Variants in PIGU observed in about 807,000 individuals in gnomAD.
PIGU encodes phosphatidylinositol glycan anchor biosynthesis class U.
PIGU carries 24 observed loss-of-function variants against 49.9 expected under a neutral mutation model. That is an observed-to-expected ratio of 0.48 (90% CI 0.35 to 0.68). The LOEUF (loss-of-function observed/expected upper bound fraction) is 0.68. PIGU is among the 30% of genes least tolerant of loss of function. The pLI, the probability that PIGU is intolerant of heterozygous loss-of-function variation, is 0.01. For synonymous variants in PIGU, 220 were observed against 205.7 expected, an observed-to-expected ratio of 1.07 and a Z score of -0.59; for missense variants, 490 against 532.6, an observed-to-expected ratio of 0.92 and a Z score of 0.79.
chr20:34,568,271 G>A (rs1054249788), intron 11 of PIGU, among the ~76,000 whole-genome samples: 6 of 152,174 alleles, frequency 3.9e-5, no homozygotes, highest in Non-Finnish European at 8.8e-5. Context: ...TGTTGGGGAG[G>A]AGAATAGGCT....
chr20:34,597,445 C>T (rs1984243957), intron 7 of PIGU, among the ~76,000 whole-genome samples: 1 of 152,142 alleles, frequency 6.6e-6, no homozygotes, highest in Admixed American at 6.6e-5. Flanking sequence ...AAACAATATT[C>T]AGAACAGTTG....
chr20:34,574,722 C>A (rs983291379), intron 11 of PIGU, among the ~76,000 whole-genome samples: 2 of 152,128 alleles, frequency 1.3e-5, no homozygotes, highest in African/African-American at 4.8e-5. Context: ...ACCACAGGCA[C>A]CATTACAGAA....
chr20:34,671,900 G>C (rs1430694520), intron 1 of PIGU, among the ~76,000 whole-genome samples: 1 of 151,750 alleles, frequency 6.6e-6, no homozygotes, highest in Non-Finnish European at 1.5e-5. Context: ...TCCAGCCAGG[G>C]CAACAAGAGT....
At chr20:34,656,343 T>C (rs1053940193) in intron 2 of PIGU, among the ~76,000 whole-genome samples, 1 of 100,932 alleles carries the variant, frequency 9.9e-6, no homozygotes, top group Non-Finnish European at 2.0e-5. Context: ...AGTGCAGTGG[T>C]GCGATCTCGG....
chr20:34,598,969 C>T (rs560806830), intron 7 of PIGU, among the ~76,000 whole-genome samples: 11 of 152,206 alleles, frequency 7.2e-5, no homozygotes, highest in African/African-American at 2.4e-4. Context: ...CTCAGACTCC[C>T]GAGTAGCTGG....
At chr20:34,592,450 A>G (rs183618115) in intron 7 of PIGU, among the ~76,000 whole-genome samples, 13 of 151,486 alleles carry the variant, frequency 8.6e-5, no homozygotes, top group South Asian at 2.1e-4. Flanking sequence ...AAAAAAAAAA[A>G]AGAGAGACGA....
intron 6 of PIGU, among the ~76,000 whole-genome samples, chr20:34,627,638 T>G: frequency 6.6e-6 from 1 of 152,188 alleles, no homozygotes; most frequent in Non-Finnish European, 1.5e-5. Context: ...ACATGCACCT[T>G]CTGAGGGCAT....
intron 11 of PIGU, among the ~76,000 whole-genome samples, chr20:34,568,172 G>A (rs1982856013): frequency 6.6e-6 from 1 of 152,200 alleles, no homozygotes; most frequent in Non-Finnish European, 1.5e-5. Flanking sequence ...CAGGGCTGGA[G>A]TCGCTATAGA....
chr20:34,589,883 C>T (rs556555882), intron 7 of PIGU, among the ~76,000 whole-genome samples: 45 of 151,634 alleles, frequency 3.0e-4, no homozygotes, highest in Admixed American at 7.2e-4. Flanking sequence ...CTCAAACTCC[C>T]GACCTCAGGT....
intron 11 of PIGU, chr20:34,562,275 C>T (rs1454550960): frequency 2.8e-6 from 1 of 356,128 alleles, no homozygotes. Flanking sequence ...GACACCGCAG[C>T]TCTCAGGCAC....
At chr20:34,653,728 G>A (rs1228573699) in intron 2 of PIGU, among the ~76,000 whole-genome samples, 4 of 152,134 alleles carry the variant, frequency 2.6e-5, no homozygotes, top group African/African-American at 9.7e-5. Flanking sequence ...ATAAGAAGGG[G>A]ACAGCACCTG....
intron 7 of PIGU, among the ~76,000 whole-genome samples, chr20:34,589,371 T>G (rs1022859225): frequency 6.6e-6 from 1 of 152,260 alleles, no homozygotes; most frequent in African/African-American, 2.4e-5. Context: ...TTTCCTTTGT[T>G]TGAGACAGAG....
chr20:34,575,294 T>C (rs2146699789), intron 10 of PIGU, 48 bp from the exon 11 acceptor site: 1 of 1,588,504 alleles, frequency 6.3e-7, no homozygotes, highest in Non-Finnish European at 8.6e-7. Context: ...CTCTCTGGCA[T>C]GCTTTCCCTG....
chr20:34,666,778 A>G (rs1477189831), intron 1 of PIGU, among the ~76,000 whole-genome samples: 3 of 142,132 alleles, frequency 2.1e-5, no homozygotes, highest in Non-Finnish European at 4.6e-5. Flanking sequence ...CTCACTGCAA[A>G]CTCCACCTCC....
At chr20:34,644,521 C>T (rs190873775) in intron 3 of PIGU, among the ~76,000 whole-genome samples, 86 of 152,320 alleles carry the variant, frequency 5.6e-4, no homozygotes, top group African/African-American at 1.8e-3. Flanking sequence ...ATAATACCCA[C>T]TGCTTTGCAT....
chr20:34,658,757 C>A (rs1287052901), intron 1 of PIGU, among the ~76,000 whole-genome samples: 2 of 151,396 alleles, frequency 1.3e-5, no homozygotes, highest in Non-Finnish European at 3.0e-5. Context: ...CTCCGCCCGG[C>A]AGCCGCCCCG....
In PIGU at chr20:34,655,131, A is replaced by AC. The variant is rs1321802557; in HGVS notation, c.195+2048dup. ...AGACCAGCCTGGGCAACATAGCAAG[A>AC]CCCCATCTCTACAAAGAAATTTTTA... is the stretch of plus-strand genomic sequence containing the variant. On this transcript the variant is annotated intron_variant, in intron 2 of 11. Transcript: ENST00000217446. 1.7e-5 allele frequency among the ~76,000 whole-genome samples: 2 copies of AC among 118,662 alleles called. 1 individual carries two copies. The highest frequency in any genetic ancestry group is 3.6e-5 in the Non-Finnish European group (2 of 55,902). 77.8% of individuals were successfully genotyped at this position (118,662 alleles called of 152,430 possible).
chr20:34,608,318 C>A (rs1418658818), intron 7 of PIGU, among the ~76,000 whole-genome samples: 1 of 152,182 alleles, frequency 6.6e-6, no homozygotes, highest in Non-Finnish European at 1.5e-5. Flanking sequence ...AAGTGATCCA[C>A]CTGCCTTGGC....
At chr20:34,620,246 C>A (rs1384049739) in intron 6 of PIGU, among the ~76,000 whole-genome samples, 4 of 152,216 alleles carry the variant, frequency 2.6e-5, no homozygotes, top group Admixed American at 2.6e-4. Flanking sequence ...CTCTTCCACA[C>A]ACGCCCTGTC....
Sources: allele counts gnomAD v4.1 joint callset (sites outside exome capture counted in the v4.1 genomes callset), GRCh38; gene constraint gnomAD v4.1.1; transcripts MANE v1.5; gene names NCBI Gene and HGNC (gene_info 2026-07-23, HGNC 2026-07-21).